AFG3L2: variants seen among roughly 807,000 people sequenced by gnomAD.
AFG3L2 encodes AFG3 like matrix AAA peptidase subunit 2.
AFG3L2 carries 54 observed loss-of-function variants against 94.5 expected under a neutral mutation model. The ratio of observed to expected loss-of-function variants is 0.57; its 90% CI spans 0.46 to 0.72. AFG3L2 has a LOEUF of 0.72. Ranked by LOEUF, AFG3L2 falls within the 30% of genes least tolerant of loss-of-function variation. AFG3L2 has a pLI of 0.00. For missense variants in AFG3L2, 754 were observed against 994.9 expected, an observed-to-expected ratio of 0.76 and a Z score of 3.26; for synonymous variants, 377 against 365.5, an observed-to-expected ratio of 1.03 and a Z score of -0.36.
Position 12,358,652 on chromosome 18 carries a change from T to C in AFG3L2, c.1026+18A>G. ...ATCAAGAAACATTTCAAAAAGTTAA[T>C]CTTAAATTTCATTTTACCTTTGGGA... On this transcript the variant is annotated intron_variant, in intron 8 of 16. Coordinates refer to ENST00000269143, the MANE Select transcript of AFG3L2 (RefSeq NM_006796.3). The C allele has an allele frequency of 1.2e-6, 2 of 1,611,644 alleles. No individual in the cohort carries two copies. Among genetic ancestry groups the C allele is most frequent in the Non-Finnish European group, 1.7e-6 (2 of 1,178,332 alleles).
intron 5 of AFG3L2, 64 bp from the exon 6 acceptor site, chr18:12,363,920 C>T: frequency 7.9e-7 from 1 of 1,259,712 alleles, no homozygotes; most frequent in South Asian, 1.2e-5. Flanking sequence ...CTCTTTTAAG[C>T]TCATTTAAAA....
Position 12,337,508 on chromosome 18 carries a change from C to A in AFG3L2, c.2008G>T (p.Val670Phe). The A allele has an allele frequency of 6.2e-7, 1 of 1,614,234 alleles. No individual in the cohort carries two copies. Among genetic ancestry groups the A allele is most frequent in the Non-Finnish European group, 8.5e-7 (1 of 1,180,046 alleles). ...QIVQFGMNEK[V>F]GQISFDLPRQ... ...GGGAGGTCAAAGGAGATTTGCCCAA[C>A]CTTTTCATTCATGCCAAACTGAACA... is the stretch of plus-strand genomic sequence containing the variant. The change falls in exon 16 of 17, where the codon GTT (valine) becomes TTT (phenylalanine). Residue 670 changes from valine (V) to phenylalanine (F), a missense_variant. This residue lies in a region of AFG3L2 where 279 missense variants were observed against 378.6 expected (regional missense o/e 0.74). Coordinates refer to ENST00000269143, the MANE Select transcript of AFG3L2 (RefSeq NM_006796.3).
Position 12,328,953 on chromosome 18 carries a change from A to T in AFG3L2, c.*612T>A, listed in dbSNP as rs974112845. On this transcript the variant is annotated 3_prime_UTR_variant, in exon 17 of 17. Transcript: ENST00000269143. ...AAATAGGGACCCTATGTGTGTTCAG[A>T]AAAGTACAGTGTTGACATTTTATTT... 3 of 545,356 alleles carry T rather than the reference A, an allele frequency of 5.5e-6. No homozygotes were observed. The highest frequency in any genetic ancestry group is 9.8e-6 in the Non-Finnish European group (3 of 306,892). The allele number at this position is 545,356 out of a possible 1,614,324, so 33.8% of individuals were successfully genotyped here. A position where few individuals can be genotyped will look rare whatever the true frequency, so the allele number is the denominator to read the frequency against.
intron 15 of AFG3L2, among the ~76,000 whole-genome samples, chr18:12,338,314 A>C (rs1907820218): frequency 6.6e-6 from 1 of 152,200 alleles, no homozygotes; most frequent in East Asian, 1.9e-4. Flanking sequence ...AAGAACCCCC[A>C]GCTGCCAACA....
At chr18:12,342,742 A>C (rs1228595635) in intron 14 of AFG3L2, 1 of 152,120 alleles carries the variant, frequency 6.6e-6, no homozygotes, top group Non-Finnish European at 1.5e-5. Context: ...TTTTCCTGTG[A>C]ATACTCTGTT....
At chr18:12,361,931 T>G (rs1465937936) in intron 6 of AFG3L2, among the ~76,000 whole-genome samples, 1 of 152,192 alleles carries the variant, frequency 6.6e-6, no homozygotes, top group Admixed American at 6.5e-5. Context: ...TGCTATCAAC[T>G]GGGCAATGGG....
intron 9 of AFG3L2, among the ~76,000 whole-genome samples, chr18:12,354,141 C>CG (rs1555672027): frequency 7.4e-6 from 1 of 134,880 alleles, no homozygotes; most frequent in African/African-American, 3.0e-5. Flanking sequence ...CACCCCCCCC[C>CG]CCCCACTTCA....
rs117929460 is a variant in AFG3L2 at position 12,357,035 on chromosome 18, T to C, written c.1027-204A>G. Among the ~76,000 whole-genome samples, 978 of 152,326 alleles carry C rather than the reference T, an allele frequency of 6.4e-3. 5 individuals are homozygous for C. Among genetic ancestry groups the C allele is most frequent in the Middle Eastern group, 0.014 (4 of 294 alleles). On this transcript the variant is annotated intron_variant, in intron 8 of 16. Transcript: ENST00000269143. The stretch of plus-strand genomic sequence containing the variant: ...CAAAAATAATTTTGTTTCAAAAAAT[T>C]TGGTAAGAATGTGAAATTTAAAATA...
Position 12,328,983 on chromosome 18 carries a change from T to C in AFG3L2, c.*582A>G. The C allele has an allele frequency of 1.7e-6, 1 of 578,452 alleles. No homozygotes were observed. The allele number at this position is 578,452 out of a possible 1,614,324, so 35.8% of individuals were successfully genotyped here. Reference sequence around the variant, plus strand: ...TACAGTGTTGACATTTTATTTTTTATGTAAAGAAGCCATATTTACATAATA... The same window carrying C: ...TACAGTGTTGACATTTTATTTTTTACGTAAAGAAGCCATATTTACATAATA... On this transcript the variant is annotated 3_prime_UTR_variant, in exon 17 of 17. Coordinates refer to ENST00000269143, the MANE Select transcript of AFG3L2 (RefSeq NM_006796.3).
chr18:12,361,047 A>G (rs1165070407), intron 6 of AFG3L2, among the ~76,000 whole-genome samples: 1 of 152,198 alleles, frequency 6.6e-6, no homozygotes, highest in East Asian at 1.9e-4. Flanking sequence ...TTAGAAAAGT[A>G]TTTTTTAAAT....
chr18:12,368,750 G>A (rs1218651728), intron 3 of AFG3L2, among the ~76,000 whole-genome samples: 2 of 152,026 alleles, frequency 1.3e-5, no homozygotes, highest in Non-Finnish European at 2.9e-5. Flanking sequence ...ACAGGAGCAC[G>A]CCACCATGCC....
chr18:12,376,002 AAAAATC>A (rs1327566385), intron 1 of AFG3L2, among the ~76,000 whole-genome samples: 1 of 152,200 alleles, frequency 6.6e-6, no homozygotes, highest in East Asian at 1.9e-4. Flanking sequence ...AAATAAAAAT[AAAAATC>A]GTAGATCGGA....
chr18:12,358,518 C>T, intron 8 of AFG3L2, 152 bp downstream of exon 8: 3 of 1,000,242 alleles, frequency 3.0e-6, no homozygotes, highest in Admixed American at 2.2e-5. Flanking sequence ...TGACCCAAAA[C>T]GATCCTCGAG....
chr18:12,345,032 T>C (rs1908088526), intron 13 of AFG3L2, among the ~76,000 whole-genome samples: 1 of 152,230 alleles, frequency 6.6e-6, no homozygotes, highest in Admixed American at 6.5e-5. Flanking sequence ...ACCTGCTGTC[T>C]GTTCTGCTGG....
At chr18:12,335,187 T>TGAGA (rs1907701724) in intron 16 of AFG3L2, among the ~76,000 whole-genome samples, 1 of 152,124 alleles carries the variant, frequency 6.6e-6, no homozygotes, top group Admixed American at 6.5e-5. Flanking sequence ...ACAATGTAAG[T>TGAGA]TAACAGCTTA....
chr18:12,377,165 G>C lies in AFG3L2; in HGVS notation c.-83C>G, dbSNP rs979273563. 1 of 1,132,296 alleles carries C rather than the reference G, an allele frequency of 8.8e-7. No homozygotes were observed. Among genetic ancestry groups the C allele is most frequent in the Admixed American group, 2.8e-5 (1 of 35,766 alleles). The allele number at this position is 1,132,296 out of a possible 1,614,324, so 70.1% of individuals were successfully genotyped here. On this transcript the variant is annotated 5_prime_UTR_variant, in exon 1 of 17. Coordinates refer to ENST00000269143, the MANE Select transcript of AFG3L2 (RefSeq NM_006796.3). ...CTGGCGGCCTCGGGAAGCGGGCTCG[G>C]CTCGGGGAAAGGCCGCCAGGCAGCG...
rs1908736144 is a variant in AFG3L2, at chr18:12,363,992, T to C, written c.553-136A>G. ...AGAATCAGATAAAGATGCCCCCATG[T>C]TCCCCCCTATAATTCTGCAGAAGCT... On this transcript the variant is annotated intron_variant, in intron 5 of 16. Coordinates refer to ENST00000269143, the MANE Select transcript of AFG3L2 (RefSeq NM_006796.3). 3.0e-5 allele frequency: 22 copies of C among 724,388 alleles called. No homozygotes were observed. The South Asian group carries it at 3.3e-4, about 11-fold the overall frequency. The allele number at this position is 724,388 out of a possible 1,614,324, so 44.9% of individuals were successfully genotyped here. A position where few individuals can be genotyped will look rare whatever the true frequency, so the allele number is the denominator to read the frequency against.
intron 16 of AFG3L2, among the ~76,000 whole-genome samples, chr18:12,332,940 C>CATATCTATATAAT: frequency 8.9e-6 from 1 of 112,216 alleles, no homozygotes; most frequent in African/African-American, 3.5e-5. Context: ...TACTATATAA[C>CATATCTATATAAT]ATATAATATA....
intron 14 of AFG3L2, chr18:12,341,821 GT>G (rs1907962025): frequency 1.3e-5 from 2 of 152,148 alleles, no homozygotes; most frequent in Admixed American, 1.3e-4. Flanking sequence ...CTGCCAAACT[GT>G]TTTCCAAAAC....
Sources: allele counts gnomAD v4.1 joint callset (sites outside exome capture counted in the v4.1 genomes callset), GRCh38; gene constraint gnomAD v4.1.1; regional missense constraint gnomAD v4.1.1; transcripts MANE v1.5; gene names NCBI Gene and HGNC (gene_info 2026-07-23, HGNC 2026-07-21).